Variants in NHSL1 observed in about 807,000 individuals in gnomAD.
NHSL1 encodes NHS like 1, also known as NHS-like protein 1.
A neutral mutation model predicts 95.0 loss-of-function variants in NHSL1; 48 were observed. That is an observed-to-expected ratio of 0.51 (90% CI 0.40 to 0.64). NHSL1 has a LOEUF of 0.64. NHSL1 is among the 30% of genes least tolerant of loss of function. NHSL1 has a pLI of 0.00. For missense variants in NHSL1, 1,971 were observed against 2,077.7 expected (o/e 0.95, Z 1.00); for synonymous variants, 783 against 833.9 (o/e 0.94, Z 1.05).
intron 1 of NHSL1, among the ~76,000 whole-genome samples, chr6:138,613,407 C>T (rs997558368): frequency 3.3e-5 from 5 of 152,124 alleles, no homozygotes; most frequent in Non-Finnish European, 5.9e-5. Flanking sequence ...TGCCTGGGTC[C>T]GAGAGTGTGA....
rs1785690711 is a variant in NHSL1 at position 138,692,373 on chromosome 6, C to G, written c.96+103G>C. The G allele has an allele frequency of 3.3e-6, 1 of 305,020 alleles. No homozygotes were observed. The highest frequency in any genetic ancestry group is 2.2e-5 in the African/African-American group (1 of 45,190). The allele number at this position is 305,020 out of a possible 1,614,324, so 18.9% of individuals were successfully genotyped here. ...CTGGAGACCCCGACATCGCGGGGCT[C>G]CGCGGCCCCCGCGCCGACCCAGGGC... On this transcript the variant is annotated intron_variant, in intron 1 of 3. Transcript: ENST00000491526. The surrounding 1 kb of genome is among the most constrained non-coding windows in gnomAD (Gnocchi z 4.0).
At chr6:138,630,627 G>A (rs1245175535) in intron 1 of NHSL1, among the ~76,000 whole-genome samples, 11 of 152,068 alleles carry the variant, frequency 7.2e-5, no homozygotes, top group South Asian at 2.1e-4. Context: ...TCAGGTGATC[G>A]GCCCGTGTTG....
Position 138,572,220 on chromosome 6 carries a change from C to T in NHSL1, c.-309G>A, listed in dbSNP as rs1046382941. 4.1e-5 allele frequency: 11 copies of T among 268,012 alleles called. 1 individual carries two copies. The highest frequency in any genetic ancestry group is 1.2e-3 in the Middle Eastern group (1 of 808). The allele number at this position is 268,012 out of a possible 1,614,324, so 16.6% of individuals were successfully genotyped here. ...AAGTATAATTTAAAAAATGAAGCAGCGTGTTCATTTCAGGAGTACTTGTCA... is the reference window on the plus strand; with the variant it reads ...AAGTATAATTTAAAAAATGAAGCAGTGTGTTCATTTCAGGAGTACTTGTCA... On this transcript the variant is annotated 5_prime_UTR_variant, in exon 1 of 7. Transcript: ENST00000427025.
intron 1 of NHSL1, chr6:138,650,451 G>A: frequency 8.3e-7 from 1 of 1,210,318 alleles, no homozygotes; most frequent in East Asian, 2.7e-5. Context: ...CAAGCATTTG[G>A]TGTGGCTCCG....
chr6:138,443,691 G>A (rs1057223352), intron 4 of NHSL1, among the ~76,000 whole-genome samples: 18 of 152,192 alleles, frequency 1.2e-4, no homozygotes, highest in African/African-American at 3.6e-4. Context: ...GTATCTGGGT[G>A]TGGTGGCATG....
chr6:138,627,548 T>G (rs942582335), intron 1 of NHSL1, among the ~76,000 whole-genome samples: 1 of 152,128 alleles, frequency 6.6e-6, no homozygotes, highest in African/African-American at 2.4e-5. Flanking sequence ...AAATCTAAAT[T>G]TTCATAGTAT....
At chr6:138,663,959 T>A (rs1476667623) in intron 1 of NHSL1, among the ~76,000 whole-genome samples, 2 of 152,248 alleles carry the variant, frequency 1.3e-5, no homozygotes, top group Non-Finnish European at 1.5e-5. Context: ...TATTTGTCCT[T>A]CTTGATACTT....
intron 1 of NHSL1, among the ~76,000 whole-genome samples, chr6:138,565,102 G>T (rs754625941): frequency 5.9e-5 from 9 of 151,976 alleles, no homozygotes; most frequent in Admixed American, 3.3e-4. Flanking sequence ...GTTTTTGTGG[G>T]TTTTTCTGTT....
chr6:138,424,905 G>T lies in NHSL1; in HGVS notation c.4086-89C>A. On this transcript the variant is annotated intron_variant, in intron 7 of 7. Transcript: ENST00000343505. The surrounding 1 kb of genome is among the most constrained non-coding windows in gnomAD (Gnocchi z 5.9). ...CCACTCTGCTCTTATCGCATCTTCA[G>T]GTCACCATCTACTTAAGATTCACTT... 1 of 1,044,644 alleles carries T rather than the reference G, an allele frequency of 9.6e-7. No homozygotes were observed. The highest frequency in any genetic ancestry group is 1.4e-6 in the Non-Finnish European group (1 of 731,368). The allele number at this position is 1,044,644 out of a possible 1,614,324, so 64.7% of individuals were successfully genotyped here. A position where few individuals can be genotyped will look rare whatever the true frequency, so the allele number is the denominator to read the frequency against.
chr6:138,487,323 T>G (rs7773799), intron 2 of NHSL1, among the ~76,000 whole-genome samples: 18,862 of 152,174 alleles, frequency 0.12, 1,593 homozygotes, highest in African/African-American at 0.24. Flanking sequence ...TAACACCCAG[T>G]GTTGAGGCTT....
At chr6:138,470,835 A>C (rs1258433039) in intron 3 of NHSL1, among the ~76,000 whole-genome samples, 1 of 152,140 alleles carries the variant, frequency 6.6e-6, no homozygotes, top group Non-Finnish European at 1.5e-5. Context: ...TGTGGGTCCC[A>C]AGGAGACCTG....
intron 2 of NHSL1, among the ~76,000 whole-genome samples, chr6:138,495,627 G>A (rs1041177387): frequency 6.6e-6 from 1 of 152,186 alleles, no homozygotes; most frequent in African/African-American, 2.4e-5. Flanking sequence ...TTTCTAAGAA[G>A]GTGTGGGCTC....
chr6:138,635,320 G>A (rs575214501), intron 1 of NHSL1, among the ~76,000 whole-genome samples: 69 of 151,878 alleles, frequency 4.5e-4, no homozygotes, highest in African/African-American at 1.5e-3. Flanking sequence ...GAAAAGAAAA[G>A]ATCCAAATGA....
intron 1 of NHSL1, chr6:138,571,433 A>T: frequency 2.5e-6 from 1 of 392,968 alleles, no homozygotes; most frequent in South Asian, 2.6e-5. Context: ...TTCACAAGTC[A>T]CATGAGCATG....
intron 2 of NHSL1, among the ~76,000 whole-genome samples, chr6:138,487,474 G>A (rs2128273651): frequency 6.6e-6 from 1 of 152,286 alleles, no homozygotes; most frequent in Non-Finnish European, 1.5e-5. Context: ...TGCTTCACTT[G>A]CAGTATGCAC....
chr6:138,678,160 T>C (rs1165018567), intron 1 of NHSL1, among the ~76,000 whole-genome samples: 1 of 145,466 alleles, frequency 6.9e-6, no homozygotes, highest in Non-Finnish European at 1.5e-5. Context: ...TATTTAAATA[T>C]TGCAAGTTTA....
chr6:138,681,399 T>C (rs1185433756), intron 1 of NHSL1, among the ~76,000 whole-genome samples: 1 of 152,202 alleles, frequency 6.6e-6, no homozygotes, highest in Non-Finnish European at 1.5e-5. Context: ...ATTCAATAAA[T>C]TACATGAAAA....
At chr6:138,623,701 AC>A (rs776198886) in intron 1 of NHSL1, among the ~76,000 whole-genome samples, 1 of 152,080 alleles carries the variant, frequency 6.6e-6, no homozygotes, top group Non-Finnish European at 1.5e-5. Flanking sequence ...TACAAGCCAA[AC>A]TCACAATCCT....
intron 1 of NHSL1, among the ~76,000 whole-genome samples, chr6:138,591,019 C>T (rs935225918): frequency 5.9e-5 from 9 of 152,130 alleles, no homozygotes; most frequent in Non-Finnish European, 7.4e-5. Flanking sequence ...CCATTGATCT[C>T]GGGCAATCCT....
Sources: allele counts gnomAD v4.1 joint callset (sites outside exome capture counted in the v4.1 genomes callset), GRCh38; gene constraint gnomAD v4.1.1; non-coding constraint Gnocchi (gnomAD v3.1); transcripts MANE v1.5; gene names NCBI Gene and HGNC (gene_info 2026-07-23, HGNC 2026-07-21).